Variants in EFHC2 observed in about 807,000 individuals in gnomAD.
EFHC2 encodes the protein EF-hand domain-containing family member C2.
A neutral mutation model predicts 52.7 loss-of-function variants in EFHC2; 18 were observed. The ratio of observed to expected loss-of-function variants is 0.34; its 90% CI spans 0.24 to 0.51. The LOEUF (loss-of-function observed/expected upper bound fraction) is 0.51. Ranked by LOEUF, EFHC2 falls within the 20% of genes least tolerant of loss-of-function variation. The probability of loss-of-function intolerance (pLI) is 0.97; values close to 1 mark genes in which losing one functional copy is unlikely to be tolerated. For missense variants in EFHC2, 513 were observed against 562.5 expected (o/e 0.91, Z 0.89); for synonymous variants, 203 against 204.1 (o/e 0.99, Z 0.04).
At chrX:44,195,295 G>A (rs991453446) in intron 11 of EFHC2, among the ~76,000 whole-genome samples, 5 of 111,535 alleles carry the variant, frequency 4.5e-5, no homozygotes, top group Admixed American at 9.5e-5. Flanking sequence ...GGGTTAGCCC[G>A]CTGCTCCTTG....
intron 1 of EFHC2, among the ~76,000 whole-genome samples, chrX:44,324,876 C>T (rs1166376911): frequency 8.9e-6 from 1 of 111,983 alleles, no homozygotes; most frequent in African/African-American, 3.2e-5. Context: ...AATTCTCTTG[C>T]TAAATAAAAT....
chrX:44,151,637 T>C (rs920083211), intron 14 of EFHC2, among the ~76,000 whole-genome samples: 2 of 112,164 alleles, frequency 1.8e-5, no homozygotes, highest in Non-Finnish European at 3.8e-5. Context: ...TCCACTCTAA[T>C]CCAGCATAAC....
At chrX:44,293,499 GTTTTTGCCATTGAAAGCAATGGCAAAA>G (rs1556020914) in intron 2 of EFHC2, among the ~76,000 whole-genome samples, 1 of 110,463 alleles carries the variant, frequency 9.1e-6, no homozygotes, top group South Asian at 3.8e-4. Flanking sequence ...AATAATTACA[GTTTTTGCCATTGAAAGCAATGGCAAAA>G]TTTTTGCCAT....
chrX:44,274,909 T>A (rs764015975), intron 2 of EFHC2, among the ~76,000 whole-genome samples: 9 of 110,639 alleles, frequency 8.1e-5, no homozygotes, highest in African/African-American at 2.3e-4. Flanking sequence ...TAATTTTTTT[T>A]AAAAAAGGAG....
chrX:44,267,754 C>G (rs1254116663), intron 3 of EFHC2, among the ~76,000 whole-genome samples: 5 of 111,590 alleles, frequency 4.5e-5, no homozygotes, highest in Non-Finnish European at 7.5e-5. Flanking sequence ...CCGGGCCACT[C>G]AAGTCACAAC....
chrX:44,310,457 G>A (rs2037940369), intron 2 of EFHC2: 2 of 786,926 alleles, frequency 2.5e-6, no homozygotes, highest in South Asian at 5.5e-5. Flanking sequence ...GTGCAGCAGC[G>A]GGACGCGGAC....
In EFHC2 at chrX:44,248,281, AT is replaced by A; in HGVS notation, c.1101del (p.Lys367AsnfsTer21). On this transcript the variant is annotated frameshift_variant, in exon 7 of 15. Coordinates refer to ENST00000420999, the MANE Select transcript of EFHC2 (RefSeq NM_025184.4). LOFTEE classifies it high-confidence loss of function. ...DEFTKSYYKSKYGIENFTSVS... is the reference protein window; with the variant it reads ...DEFTKSYYKSXYGIENFTSVS... ...CATATGTATCACTTACCAATTCCAT[AT>A]TTAGACTTATAATAAGACTTCGTAA... The A allele has an allele frequency of 8.7e-7, 1 of 1,151,673 alleles. No individual in the cohort carries two copies. The allele number at this position is 1,151,673 out of a possible 1,213,427, so 94.9% of individuals were successfully genotyped here. A position where few individuals can be genotyped will look rare whatever the true frequency, so the allele number is the denominator to read the frequency against.
chrX:44,174,999 A>T (rs1250824287), intron 13 of EFHC2, among the ~76,000 whole-genome samples: 1 of 111,810 alleles, frequency 8.9e-6, no homozygotes, highest in Non-Finnish European at 1.9e-5. Context: ...TAGTTCCCTG[A>T]CATAGAATTT....
intron 11 of EFHC2, among the ~76,000 whole-genome samples, chrX:44,220,459 G>A (rs901229213): frequency 9.8e-5 from 11 of 111,807 alleles, no homozygotes; most frequent in Admixed American, 9.5e-4. Flanking sequence ...CAAGGTAGTG[G>A]CTATTCTGTC....
chrX:44,309,955 T>C, intron 2 of EFHC2: 2 of 978,518 alleles, frequency 2.0e-6, no homozygotes, highest in Non-Finnish European at 2.9e-6. Flanking sequence ...AGACTATACA[T>C]TTCAGAATGT....
At chrX:44,163,542 G>A (rs896549854) in intron 14 of EFHC2, among the ~76,000 whole-genome samples, 2 of 111,941 alleles carry the variant, frequency 1.8e-5, no homozygotes, top group African/African-American at 3.2e-5. Flanking sequence ...GCGGATACCC[G>A]GATACCCTAG....
intron 14 of EFHC2, among the ~76,000 whole-genome samples, chrX:44,151,498 G>A (rs1246651689): frequency 9.0e-6 from 1 of 111,216 alleles, no homozygotes; most frequent in East Asian, 2.8e-4. Flanking sequence ...GGTGGTGGCT[G>A]GCAGTCATTC....
intron 1 of EFHC2, among the ~76,000 whole-genome samples, chrX:44,332,698 A>G (rs182390374): frequency 4.5e-5 from 5 of 111,262 alleles, no homozygotes; most frequent in Non-Finnish European, 9.4e-5. Context: ...ACTGATGAAT[A>G]TGCATAGACA....
chrX:44,169,059 T>C (rs1160155105), intron 13 of EFHC2, among the ~76,000 whole-genome samples: 1 of 111,307 alleles, frequency 9.0e-6, no homozygotes, highest in Admixed American at 9.6e-5. Context: ...GAGGATGTAT[T>C]ACATTCCTGA....
At chrX:44,313,816 A>G (rs1463564448) in intron 1 of EFHC2, among the ~76,000 whole-genome samples, 1 of 110,546 alleles carries the variant, frequency 9.0e-6, no homozygotes, top group Non-Finnish European at 1.9e-5. Context: ...TTAGCCGGGC[A>G]TGGTGGTGGG....
chrX:44,168,519 G>C (rs185720439), intron 13 of EFHC2, among the ~76,000 whole-genome samples: 4 of 105,910 alleles, frequency 3.8e-5, no homozygotes, highest in Admixed American at 2.0e-4. Flanking sequence ...GCGACAGAGC[G>C]AGACTCCGTC....
At chrX:44,282,240 CATG>C (rs1232821272) in intron 2 of EFHC2, among the ~76,000 whole-genome samples, 1 of 108,496 alleles carries the variant, frequency 9.2e-6, no homozygotes, top group African/African-American at 3.4e-5. Context: ...AAGGCACCAG[CATG>C]ATATTTTTGA....
intron 11 of EFHC2, among the ~76,000 whole-genome samples, chrX:44,203,439 C>T (rs746485822): frequency 5.4e-5 from 6 of 111,549 alleles, no homozygotes; most frequent in South Asian, 7.5e-4. Context: ...GGTGGATTCA[C>T]GGCCCACAGC....
At chrX:44,283,416 T>A (rs904182695) in intron 2 of EFHC2, among the ~76,000 whole-genome samples, 9 of 111,409 alleles carry the variant, frequency 8.1e-5, no homozygotes, top group African/African-American at 2.6e-4. Context: ...TCTCCTGACC[T>A]CGTGATCCGC....
Sources: allele counts gnomAD v4.1 joint callset (sites outside exome capture counted in the v4.1 genomes callset), GRCh38; gene constraint gnomAD v4.1.1; transcripts MANE v1.5; gene names NCBI Gene and HGNC (gene_info 2026-07-23, HGNC 2026-07-21).